COL13A1: variants seen among roughly 807,000 people sequenced by gnomAD.
COL13A1 encodes collagen alpha-1(XIII) chain.
Under a neutral mutation model 130.9 loss-of-function variants are expected in COL13A1, and 89 were observed. That is an observed-to-expected ratio of 0.68 (90% CI 0.57 to 0.81). COL13A1 has a LOEUF of 0.81. Among genes scored for constraint, COL13A1 ranks in the 30% least tolerant of loss-of-function variants. The probability of loss-of-function intolerance (pLI) is 0.00; values close to 1 mark genes in which losing one functional copy is unlikely to be tolerated. For synonymous variants in COL13A1, 402 were observed against 341.6 expected, an observed-to-expected ratio of 1.18 and a Z score of -1.95; for missense variants, 879 against 934.6, an observed-to-expected ratio of 0.94 and a Z score of 0.78.
intron 4 of COL13A1, 102 bp downstream of exon 4, chr10:69,872,312 C>A: frequency 7.4e-7 from 1 of 1,344,256 alleles, no homozygotes; most frequent in South Asian, 1.2e-5. Flanking sequence ...CCAGGTGTAT[C>A]TGGGTGACAG....
intron 7 of COL13A1, among the ~76,000 whole-genome samples, chr10:69,882,004 C>T (rs1303667131): frequency 6.6e-6 from 1 of 152,234 alleles, no homozygotes; most frequent in Non-Finnish European, 1.5e-5. Flanking sequence ...GTCGCATGTG[C>T]TCCTGGGCTC....
Position 69,930,942 on chromosome 10 carries a change from G to C in COL13A1, c.1683+390G>C, listed in dbSNP as rs1589602323. Among the ~76,000 whole-genome samples the C allele has an allele frequency of 2.0e-5, 3 of 152,202 alleles. No individual in the cohort carries two copies. The South Asian group carries it at 6.2e-4, about 31-fold the overall frequency. On this transcript the variant is annotated intron_variant, in intron 30 of 40. Coordinates refer to ENST00000645393, the MANE Select transcript of COL13A1 (RefSeq NM_001368882.1). ...TACAGAAGCCCTATACCCGGGAGAG[G>C]CTGCATGTACAGAAACGGGGCCTTC...
chr10:69,804,223 C>T (rs1205009713), intron 1 of COL13A1, among the ~76,000 whole-genome samples: 6 of 151,740 alleles, frequency 4.0e-5, no homozygotes, highest in African/African-American at 9.7e-5. Flanking sequence ...GAGAGCTCCT[C>T]CAGGTATCTC....
In COL13A1 at chr10:69,958,987, C is replaced by A; in HGVS notation, c.*286C>A. 7.3e-6 allele frequency: 3 copies of A among 411,462 alleles called. No individual in the cohort carries two copies. The East Asian group carries it at 1.4e-4, about 19-fold the overall frequency. 25.5% of individuals were successfully genotyped at this position (411,462 alleles called of 1,614,324 possible). On this transcript the variant is annotated 3_prime_UTR_variant, in exon 41 of 41. Transcript: ENST00000645393. ...TCGAAGCTTAATAAATTATTGTGTC[C>A]TGGTGCCAAAGGGGGCCAGCCAGAA...
Position 69,889,404 on chromosome 10 carries a change from C to A in COL13A1, c.577-10C>A. 6.2e-7 allele frequency: 1 copy of A among 1,610,446 alleles called. No homozygotes were observed. Among genetic ancestry groups the A allele is most frequent in the Non-Finnish European group, 8.5e-7 (1 of 1,178,508 alleles). ...CAGTGCACCTGGTACTCACCCTCTT[C>A]TCCTTCCAGGGCCACCCAGGACCAA... On this transcript the variant is annotated splice_polypyrimidine_tract_variant and intron_variant, in intron 9 of 40. Coordinates refer to ENST00000645393, the MANE Select transcript of COL13A1 (RefSeq NM_001368882.1).
intron 4 of COL13A1, 121 bp downstream of exon 4, chr10:69,872,331 C>T: frequency 9.1e-7 from 1 of 1,103,628 alleles, no homozygotes; most frequent in Non-Finnish European, 1.3e-6. Context: ...AGGCCACTCT[C>T]CAGAGTCCCT....
chr10:69,804,002 G>C (rs2642604), intron 1 of COL13A1, among the ~76,000 whole-genome samples: 30,176 of 152,132 alleles, frequency 0.2, 3,402 homozygotes, highest in Non-Finnish European at 0.27. Flanking sequence ...AGAGCAGAGA[G>C]AGCGGTCACA....
At chr10:69,924,113 T>C (rs1319975747) in intron 24 of COL13A1, among the ~76,000 whole-genome samples, 1 of 152,154 alleles carries the variant, frequency 6.6e-6, no homozygotes, top group Non-Finnish European at 1.5e-5. Flanking sequence ...AACGAGGGGC[T>C]CTTGCTTCTC....
In COL13A1 at chr10:69,855,778, G is replaced by GGCGAGGGATGCAAGA. The variant is rs1554900900; in HGVS notation, c.365-12019_365-12018insCGAGGGATGCAAGAG. Reference sequence around the variant, plus strand: ...TCTGGGCTCCATGCCCAGTAGAAGGGGGGAGGGATGCAAGAGGGAGGGATG... The same window carrying GGCGAGGGATGCAAGA: ...TCTGGGCTCCATGCCCAGTAGAAGGGGCGAGGGATGCAAGAGGGAGGGATGCAAGAGGGAGGGATG... On this transcript the variant is annotated intron_variant, in intron 2 of 40. Coordinates refer to ENST00000645393, the MANE Select transcript of COL13A1 (RefSeq NM_001368882.1). 1.6e-3 allele frequency among the ~76,000 whole-genome samples: 244 copies of GGCGAGGGATGCAAGA among 148,406 alleles called. 4 individuals are homozygous for GGCGAGGGATGCAAGA. The highest frequency in any genetic ancestry group is 2.7e-3 in the Non-Finnish European group (181 of 67,356).
chr10:69,956,809 A>C, intron 39 of COL13A1, 195 bp from the exon 40 acceptor site: 1 of 588,002 alleles, frequency 1.7e-6, no homozygotes, highest in Non-Finnish European at 3.1e-6. Flanking sequence ...CCTTTAACCA[A>C]TGGTAAAATA....
intron 7 of COL13A1, among the ~76,000 whole-genome samples, chr10:69,881,623 C>T (rs997796727): frequency 2.0e-5 from 3 of 152,206 alleles, no homozygotes; most frequent in East Asian, 3.8e-4. Flanking sequence ...GGCTGGCAGA[C>T]ATGTCAGGGG....
intron 2 of COL13A1, among the ~76,000 whole-genome samples, chr10:69,827,807 A>G (rs2132798541): frequency 6.6e-6 from 1 of 152,212 alleles, no homozygotes; most frequent in South Asian, 2.1e-4. Flanking sequence ...TTTGCCCCCA[A>G]CAGCCTCATG....
chr10:69,806,819 C>A (rs985817419), intron 1 of COL13A1, among the ~76,000 whole-genome samples: 5 of 152,126 alleles, frequency 3.3e-5, no homozygotes, highest in African/African-American at 1.2e-4. Flanking sequence ...CCAGCCTGAC[C>A]AACATGGTGA....
chr10:69,803,809 ATGCGAAACAG>A (rs1042633523), intron 1 of COL13A1, among the ~76,000 whole-genome samples: 71 of 152,296 alleles, frequency 4.7e-4, no homozygotes, highest in African/African-American at 1.6e-3. Flanking sequence ...CCCTCTGAAC[ATGCGAAACAG>A]TGCTGATGTA....
intron 1 of COL13A1, among the ~76,000 whole-genome samples, chr10:69,804,886 A>T (rs1341692604): frequency 6.7e-6 from 1 of 149,878 alleles, no homozygotes; most frequent in Non-Finnish European, 1.5e-5. Flanking sequence ...AATGCATTAC[A>T]TGCAACATTG....
chr10:69,936,666 C>A (rs996094804), intron 32 of COL13A1, 90 bp from the exon 33 acceptor site: 5 of 1,525,418 alleles, frequency 3.3e-6, no homozygotes, highest in Non-Finnish European at 4.5e-6. Context: ...GCACCCAAAA[C>A]CCTTGTTCTT....
At chr10:69,809,219 A>G (rs2132185239) in intron 1 of COL13A1, among the ~76,000 whole-genome samples, 1 of 152,364 alleles carries the variant, frequency 6.6e-6, no homozygotes, top group East Asian at 1.9e-4. Context: ...TCCTCCTTAC[A>G]GGGTTGTTGT....
chr10:69,934,975 T>C (rs2066635969), intron 31 of COL13A1, among the ~76,000 whole-genome samples: 1 of 152,038 alleles, frequency 6.6e-6, no homozygotes, highest in African/African-American at 2.4e-5. Flanking sequence ...AAACTGAAGG[T>C]GTCATGCCCC....
At chr10:69,940,211 A>G (rs2067439169) in intron 34 of COL13A1, among the ~76,000 whole-genome samples, 1 of 149,046 alleles carries the variant, frequency 6.7e-6, no homozygotes, top group Admixed American at 6.8e-5. Flanking sequence ...GGTTGGTCTC[A>G]GTAGCTTCCC....
Sources: gnomAD v4.1 joint callset for allele counts (sites outside exome capture counted in the v4.1 genomes callset) on GRCh38, gnomAD v4.1.1 for gene constraint, MANE v1.5 for transcripts, NCBI Gene and HGNC (gene_info 2026-07-23, HGNC 2026-07-21) for gene names.